Variants in PSD3 observed in about 807,000 individuals in gnomAD.
The protein encoded by PSD3 is PH and SEC7 domain-containing protein 3.
PSD3 carries 49 observed loss-of-function variants against 105.5 expected under a neutral mutation model. The ratio of observed to expected loss-of-function variants is 0.46; its 90% CI spans 0.37 to 0.59. The LOEUF is 0.59. Among genes scored for constraint, PSD3 ranks in the 20% least tolerant of loss-of-function variants. PSD3 has a pLI of 0.00. For synonymous variants in PSD3, 557 were observed against 457.8 expected (o/e 1.22, Z -2.77); for missense variants, 1,561 against 1,263.8 (o/e 1.24, Z -3.57).
intron 1 of PSD3, among the ~76,000 whole-genome samples, chr8:18,990,584 A>C: frequency 6.6e-6 from 1 of 150,758 alleles, no homozygotes; most frequent in Non-Finnish European, 1.5e-5. Context: ...CCTCATTCTC[A>C]CTCCATGTGG....
At chr8:18,591,759 T>C (rs1414523992) in intron 12 of PSD3, among the ~76,000 whole-genome samples, 1 of 152,176 alleles carries the variant, frequency 6.6e-6, no homozygotes, top group Non-Finnish European at 1.5e-5. Context: ...ACTCTCCTGA[T>C]TCAGGGAACT....
intron 10 of PSD3, among the ~76,000 whole-genome samples, chr8:18,633,852 A>T (rs1402221759): frequency 6.6e-6 from 1 of 152,148 alleles, no homozygotes; most frequent in East Asian, 1.9e-4. Flanking sequence ...TGCTTTCCAC[A>T]GTAGCTGAAC....
At chr8:18,927,325 T>C (rs1306894856) in intron 2 of PSD3, among the ~76,000 whole-genome samples, 2 of 152,140 alleles carry the variant, frequency 1.3e-5, no homozygotes, top group African/African-American at 4.8e-5. Context: ...GCAATTCTCC[T>C]GCCTCAGCCT....
intron 2 of PSD3, among the ~76,000 whole-genome samples, chr8:18,928,303 A>G (rs536740740): frequency 4.6e-5 from 7 of 152,358 alleles, no homozygotes; most frequent in Admixed American, 4.6e-4. Flanking sequence ...GCCAGCTGCC[A>G]TGTAAGACAT....
At chr8:19,028,818 T>C (rs1200996707) in intron 1 of PSD3, among the ~76,000 whole-genome samples, 1 of 152,222 alleles carries the variant, frequency 6.6e-6, no homozygotes, top group Non-Finnish European at 1.5e-5. Context: ...TTTTAGCTCT[T>C]ATCTTTACAT....
At chr8:18,642,365 G>A (rs547811721) in intron 10 of PSD3, among the ~76,000 whole-genome samples, 6 of 152,088 alleles carry the variant, frequency 3.9e-5, no homozygotes, top group East Asian at 3.9e-4. Flanking sequence ...TATAATGTAC[G>A]AGTACATAAA....
At chr8:18,585,123 T>G (rs970752732) in intron 12 of PSD3, among the ~76,000 whole-genome samples, 1 of 152,174 alleles carries the variant, frequency 6.6e-6, no homozygotes, top group Non-Finnish European at 1.5e-5. Flanking sequence ...GGAGGATTTA[T>G]GGAGGCATTT....
chr8:18,666,906 C>G (rs1035881630), intron 9 of PSD3, among the ~76,000 whole-genome samples: 1 of 152,124 alleles, frequency 6.6e-6, no homozygotes, highest in Non-Finnish European at 1.5e-5. Flanking sequence ...GGTTCTTGGT[C>G]TCACTGACTT....
chr8:18,600,508 G>T, intron 11 of PSD3, 74 bp from the exon 12 acceptor site: 3 of 1,219,836 alleles, frequency 2.5e-6, no homozygotes, highest in East Asian at 2.4e-5. Flanking sequence ...TGATCAACAT[G>T]GTGACAGTGT....
chr8:18,931,972 G>C (rs918177510), intron 2 of PSD3, among the ~76,000 whole-genome samples: 6 of 152,204 alleles, frequency 3.9e-5, no homozygotes. Flanking sequence ...CTACCAATGA[G>C]TTTGGGCAAA....
intron 14 of PSD3, among the ~76,000 whole-genome samples, chr8:18,562,950 A>C (rs1045238565): frequency 1.3e-5 from 2 of 151,826 alleles, no homozygotes; most frequent in East Asian, 1.9e-4. Context: ...AAAACAAAAC[A>C]AAACCAAACC....
intron 1 of PSD3, among the ~76,000 whole-genome samples, chr8:18,946,888 G>C (rs1352128929): frequency 2.7e-5 from 4 of 150,924 alleles, no homozygotes; most frequent in Middle Eastern, 3.5e-3. Flanking sequence ...CTGCGCAACA[G>C]AGCAAGACTC....
At chr8:18,793,493 G>C (rs995339879) in intron 8 of PSD3, among the ~76,000 whole-genome samples, 2 of 151,538 alleles carry the variant, frequency 1.3e-5, no homozygotes, top group Admixed American at 6.6e-5. Context: ...CTTAAAGTTA[G>C]AAATCAAAAG....
At chr8:18,658,524 C>CTT (rs35569508) in intron 9 of PSD3, among the ~76,000 whole-genome samples, 74 of 138,140 alleles carry the variant, frequency 5.4e-4, no homozygotes, top group Middle Eastern at 3.8e-3. Context: ...CTATATAATT[C>CTT]TTTTTTTTTT....
chr8:18,580,233 G>C (rs560650394), intron 12 of PSD3, among the ~76,000 whole-genome samples: 1 of 152,218 alleles, frequency 6.6e-6, no homozygotes, highest in East Asian at 1.9e-4. Context: ...AGCAGGATGA[G>C]TGACAGGAGA....
intron 9 of PSD3, among the ~76,000 whole-genome samples, chr8:18,716,008 T>C (rs1367018416): frequency 1.3e-5 from 2 of 152,174 alleles, no homozygotes; most frequent in East Asian, 1.9e-4. Context: ...CTGGGTGCTT[T>C]AACGAACAAA....
At chr8:18,618,550 A>G (rs958983702) in intron 11 of PSD3, among the ~76,000 whole-genome samples, 3 of 142,510 alleles carry the variant, frequency 2.1e-5, no homozygotes. Context: ...ATTGGCCATT[A>G]AACTGTTTCT....
intron 11 of PSD3, among the ~76,000 whole-genome samples, chr8:18,602,170 T>C (rs1364789954): frequency 4.6e-5 from 7 of 152,204 alleles, no homozygotes; most frequent in African/African-American, 1.4e-4. Context: ...AACTAATTTA[T>C]TGGCATCTTG....
intron 9 of PSD3, among the ~76,000 whole-genome samples, chr8:18,712,773 T>G (rs1374463489): frequency 6.6e-6 from 1 of 152,112 alleles, no homozygotes; most frequent in African/African-American, 2.4e-5. Context: ...ACTCCTCCCT[T>G]ACTCGCGTTA....
Sources: gnomAD v4.1 joint callset for allele counts (sites outside exome capture counted in the v4.1 genomes callset) on GRCh38, gnomAD v4.1.1 for gene constraint, MANE v1.5 for transcripts, NCBI Gene and HGNC (gene_info 2026-07-23, HGNC 2026-07-21) for gene names.